The following CELF4 variants were observed in gnomAD, a reference collection of about 807,000 sequenced individuals.
CELF4 encodes CUGBP Elav-like family member 4.
CELF4 carries 18 observed loss-of-function variants against 59.9 expected under a neutral mutation model. The observed-to-expected ratio is 0.30, with a 90% CI of 0.21 to 0.45. CELF4 has a LOEUF of 0.45. Among genes scored for constraint, CELF4 ranks in the 20% least tolerant of loss-of-function variants. CELF4 has a pLI of 1.00. For missense variants in CELF4, 456 were observed against 689.0 expected, an observed-to-expected ratio of 0.66 and a Z score of 3.79; for synonymous variants, 261 against 267.1, an observed-to-expected ratio of 0.98 and a Z score of 0.22.
At chr18:37,255,966 C>G (rs932252328) in intron 11 of CELF4, among the ~76,000 whole-genome samples, 1 of 152,112 alleles carries the variant, frequency 6.6e-6, no homozygotes, top group African/African-American at 2.4e-5. Context: ...TAGAGGTCCT[C>G]GGAAGCCCGA....
intron 1 of CELF4, 51 bp downstream of exon 1, chr18:37,565,305 G>A (rs1020060112): frequency 4.1e-6 from 6 of 1,457,290 alleles, no homozygotes; most frequent in Non-Finnish European, 5.5e-6. Flanking sequence ...CGGTCGGCCC[G>A]CCAGCCCGCT....
intron 2 of CELF4, among the ~76,000 whole-genome samples, chr18:37,395,164 G>A (rs1394732059): frequency 6.6e-6 from 1 of 152,022 alleles, no homozygotes; most frequent in Non-Finnish European, 1.5e-5. Context: ...TGTCTCCCTG[G>A]CAGAGCCTTA....
At chr18:37,419,247 G>A (rs2099553647) in intron 2 of CELF4, among the ~76,000 whole-genome samples, 1 of 152,202 alleles carries the variant, frequency 6.6e-6, no homozygotes, top group South Asian at 2.1e-4. Flanking sequence ...AAATGAATTG[G>A]ACTTTTAAGT....
intron 2 of CELF4, among the ~76,000 whole-genome samples, chr18:37,395,336 G>A (rs746862388): frequency 3.3e-5 from 5 of 152,062 alleles, no homozygotes; most frequent in Admixed American, 1.3e-4. Flanking sequence ...CTCCCACGGC[G>A]GGCTGGGCTG....
intron 3 of CELF4, among the ~76,000 whole-genome samples, chr18:37,280,375 G>C (rs1324270459): frequency 6.6e-6 from 1 of 152,156 alleles, no homozygotes; most frequent in East Asian, 1.9e-4. Flanking sequence ...ATGAGTTTTG[G>C]GAGCACTTCT....
chr18:37,274,954 C>T, intron 4 of CELF4, 70 bp from the exon 5 acceptor site: 1 of 1,567,238 alleles, frequency 6.4e-7, no homozygotes, highest in Non-Finnish European at 8.7e-7. Flanking sequence ...GGAGAGGGCG[C>T]ATCCCAGGTG....
At chr18:37,427,045 G>T (rs892296554) in intron 2 of CELF4, among the ~76,000 whole-genome samples, 10 of 151,920 alleles carry the variant, frequency 6.6e-5, no homozygotes, top group African/African-American at 2.2e-4. Flanking sequence ...CACGGGGGGG[G>T]GGGAAGCTGG....
intron 2 of CELF4, among the ~76,000 whole-genome samples, chr18:37,382,912 A>G (rs541568313): frequency 1.3e-5 from 2 of 151,776 alleles, no homozygotes; most frequent in African/African-American, 2.4e-5. Context: ...AGTGTGGCCC[A>G]CTCCTACTCC....
intron 2 of CELF4, among the ~76,000 whole-genome samples, chr18:37,429,076 G>C (rs1467518578): frequency 6.6e-6 from 1 of 152,208 alleles, no homozygotes; most frequent in African/African-American, 2.4e-5. Flanking sequence ...CTTGGTGAGG[G>C]AGTCGTGCTT....
At chr18:37,268,943 G>A (rs183345203) in intron 8 of CELF4, among the ~76,000 whole-genome samples, 1 of 152,156 alleles carries the variant, frequency 6.6e-6, no homozygotes, top group South Asian at 2.1e-4. Context: ...AGATGTGGCA[G>A]ATTGTTACAA....
chr18:37,429,297 C>T (rs1295977422), intron 2 of CELF4, among the ~76,000 whole-genome samples: 1 of 151,990 alleles, frequency 6.6e-6, no homozygotes, highest in Non-Finnish European at 1.5e-5. Flanking sequence ...TGGGAAGGTG[C>T]ATGTGTAAGT....
chr18:37,494,843 C>A (rs1264164833), intron 1 of CELF4, among the ~76,000 whole-genome samples: 1 of 152,128 alleles, frequency 6.6e-6, no homozygotes, highest in Non-Finnish European at 1.5e-5. Context: ...AGGGAGAGGT[C>A]CTCCCTCCCC....
At chr18:37,469,572 A>G (rs1194453193) in intron 2 of CELF4, among the ~76,000 whole-genome samples, 1 of 152,224 alleles carries the variant, frequency 6.6e-6, no homozygotes, top group Non-Finnish European at 1.5e-5. Context: ...GCCACAGATA[A>G]TTAGATCAGT....
At chr18:37,548,140 C>CTG (rs368524105) in intron 1 of CELF4, among the ~76,000 whole-genome samples, 113 of 151,096 alleles carry the variant, frequency 7.5e-4, no homozygotes, top group African/African-American at 8.5e-4. Flanking sequence ...GTACACATCT[C>CTG]TGTGTGTGTG....
Position 37,254,587 on chromosome 18 carries a change from G to A in CELF4, c.1334-649C>T, listed in dbSNP as rs1426385127. Among the ~76,000 whole-genome samples the A allele has an allele frequency of 6.6e-6, 1 of 152,104 alleles. No individual in the cohort carries two copies. The highest frequency in any genetic ancestry group is 2.4e-5 in the African/African-American group (1 of 41,432). On this transcript the variant is annotated intron_variant, in intron 11 of 12. Coordinates refer to ENST00000420428, the MANE Select transcript of CELF4 (RefSeq NM_020180.4). The surrounding 1 kb of genome is among the most constrained non-coding windows in gnomAD (Gnocchi z 5.1). ...CCGGGTGGGCCCTGGGCGTCACCTC[G>A]CCCCGGGCGCCGTCGGCACCTCTCT...
intron 2 of CELF4, among the ~76,000 whole-genome samples, chr18:37,371,047 T>C (rs2098860654): frequency 6.6e-6 from 1 of 152,184 alleles, no homozygotes; most frequent in African/African-American, 2.4e-5. Context: ...AGCTGTGTTC[T>C]TCGCCTGTCC....
At chr18:37,326,835 C>T (rs2097335032) in intron 2 of CELF4, among the ~76,000 whole-genome samples, 1 of 152,200 alleles carries the variant, frequency 6.6e-6, no homozygotes, top group African/African-American at 2.4e-5. Context: ...TCCCCCTCCC[C>T]ATCCCTCTGC....
At chr18:37,483,877 A>G (rs1455627834) in intron 2 of CELF4, among the ~76,000 whole-genome samples, 1 of 152,188 alleles carries the variant, frequency 6.6e-6, no homozygotes, top group Non-Finnish European at 1.5e-5. Flanking sequence ...TATTTCTATA[A>G]ATTATTAAAG....
chr18:37,494,550 G>T (rs1214966485), intron 1 of CELF4, among the ~76,000 whole-genome samples: 1 of 152,112 alleles, frequency 6.6e-6, no homozygotes, highest in Non-Finnish European at 1.5e-5. Context: ...TGTTTTTTTG[G>T]CAGAGGGCCT....
Sources: gnomAD v4.1 joint callset for allele counts (sites outside exome capture counted in the v4.1 genomes callset) on GRCh38, gnomAD v4.1.1 for gene constraint, Gnocchi (gnomAD v3.1) non-coding constraint, MANE v1.5 for transcripts, NCBI Gene and HGNC (gene_info 2026-07-23, HGNC 2026-07-21) for gene names.